The following WRAP73 variants were observed in gnomAD, a reference collection of about 807,000 sequenced individuals.
WRAP73 encodes WD repeat containing, antisense to TP73, also known as WD repeat-containing protein WRAP73.
A neutral mutation model predicts 59.6 loss-of-function variants in WRAP73; 55 were observed. That is an observed-to-expected ratio of 0.92 (90% CI 0.74 to 1.15). The LOEUF is 1.15. Among genes scored for constraint, WRAP73 ranks in the 50% most tolerant of loss-of-function variants. WRAP73 has a pLI of 0.00. For missense variants in WRAP73, 592 were observed against 608.1 expected (o/e 0.97, Z 0.28); for synonymous variants, 265 against 258.2 (o/e 1.03, Z -0.25).
chr1:3,641,060 A>T (rs1305920352), intron 3 of WRAP73, among the ~76,000 whole-genome samples: 4 of 152,274 alleles, frequency 2.6e-5, no homozygotes, highest in Non-Finnish European at 4.4e-5. Context: ...AAAAAAAGGT[A>T]GTTAAATATA....
chr1:3,639,692 C>T lies in WRAP73; in HGVS notation c.340-870G>A, dbSNP rs1644620255. ...GGCCGAGGTGCGGGGACACAAGGTG[C>T]GGGGTGGGGTGCTGACTGCCAGCTC... On this transcript the variant is annotated intron_variant, in intron 3 of 11. Transcript: ENST00000270708. The surrounding 1 kb of genome is among the most constrained non-coding windows in gnomAD (Gnocchi z 4.3). The T allele has an allele frequency of 6.6e-6, 1 of 151,568 alleles. No homozygotes were observed. The highest frequency in any genetic ancestry group is 1.5e-5 in the Non-Finnish European group (1 of 68,022). The allele number at this position is 151,568 out of a possible 1,614,324, so 9.4% of individuals were successfully genotyped here.
Position 3,639,632 on chromosome 1 carries a change from G to T in WRAP73, c.340-810C>A, listed in dbSNP as rs546090151. The T allele has an allele frequency of 6.6e-6, 1 of 152,178 alleles. No homozygotes were observed. The highest frequency in any genetic ancestry group is 2.4e-5 in the African/African-American group (1 of 41,426). 9.4% of individuals were successfully genotyped at this position (152,178 alleles called of 1,614,324 possible). A position where few individuals can be genotyped will look rare whatever the true frequency, so the allele number is the denominator to read the frequency against. On this transcript the variant is annotated intron_variant, in intron 3 of 11. Coordinates refer to ENST00000270708, the MANE Select transcript of WRAP73 (RefSeq NM_017818.4). This position sits in a 1 kb window ranked among gnomAD's most constrained non-coding sequence, Gnocchi z 4.3. ...GAATCATCTTGCTTCCCACATCCCC[G>T]GCCCACTGATGAATCTGGTAGTTAA...
At position 3,646,314 on chromosome 1, in the gene WRAP73, A is replaced by C. The variant is rs1644691035; in HGVS notation, c.339+352T>G. ...TGAAAGTTCTTGACGCAACAAGGAA[A>C]GAAAAAATCCTATGCTGAGGTTGTT... is the stretch of plus-strand genomic sequence containing the variant. On this transcript the variant is annotated intron_variant, in intron 3 of 11. Transcript: ENST00000270708. The surrounding 1 kb of genome is among the most constrained non-coding windows in gnomAD (Gnocchi z 5.1). 6.6e-6 allele frequency among the ~76,000 whole-genome samples: 1 copy of C among 152,254 alleles called. No individual in the cohort carries two copies. Among genetic ancestry groups the C allele is most frequent in the Non-Finnish European group, 1.5e-5 (1 of 68,044 alleles).
At chr1:3,648,042 G>A (rs898100167) in intron 1 of WRAP73, among the ~76,000 whole-genome samples, 4 of 152,202 alleles carry the variant, frequency 2.6e-5, no homozygotes, top group African/African-American at 9.7e-5. Context: ...CTTATGCAGT[G>A]CCGAACTCAG....
chr1:3,635,379 T>G, intron 6 of WRAP73, 85 bp from the exon 7 acceptor site: 1 of 1,568,584 alleles, frequency 6.4e-7, no homozygotes. Flanking sequence ...AGAGTGACAT[T>G]GGTGCAGATA....
At chr1:3,644,965 G>A (rs114491188) in intron 3 of WRAP73, among the ~76,000 whole-genome samples, 1,632 of 152,310 alleles carry the variant, frequency 0.011, 29 homozygotes, top group African/African-American at 0.037. Context: ...ACACGGCTGC[G>A]TGAAAAGCTC....
At position 3,636,014 on chromosome 1, in the gene WRAP73, G is replaced by A. The variant is rs1179697315; in HGVS notation, c.533C>T (p.Thr178Ile). The A allele has an allele frequency of 1.2e-6, 2 of 1,613,864 alleles. No homozygotes were observed. The highest frequency in any genetic ancestry group is 8.5e-7 in the Non-Finnish European group (1 of 1,179,962). Residue 178 changes from threonine to isoleucine, a missense_variant, in exon 6 of 12, where the codon ACC becomes ATC. Thr to Ile is a moderately conservative substitution (Grantham distance 89). Coordinates refer to ENST00000270708, the MANE Select transcript of WRAP73 (RefSeq NM_017818.4). ...CCACTCAATCCCTGTGAGATCCTGG[G>A]TGTCCGTATCAAAATGCTTCCAAAG... ...WQLLRHFDTD[T>I]QDLTGIEWAP...
In WRAP73 at chr1:3,631,065, G is replaced by A. The variant is rs1278681544; in HGVS notation, c.1293C>T (p.Ala431=). Residue 431 remains alanine, a synonymous_variant, in exon 12 of 12, where the codon GCC becomes GCT. Transcript: ENST00000270708. ...GGCAGAAGTGATCCTTGCTGAGGAG[G>A]GCCATCGAGTCTCCGCTTAAATGCC... ...LCWHLSGDSM[A]LLSKDHFCLC... is the part of the protein sequence containing the mutation. 6.2e-7 allele frequency: 1 copy of A among 1,613,280 alleles called. No individual in the cohort carries two copies. The highest frequency in any genetic ancestry group is 1.6e-4 in the Middle Eastern group (1 of 6,062).
Position 3,639,867 on chromosome 1 carries a change from G to A in WRAP73, c.340-1045C>T, listed in dbSNP as rs1038801072. On this transcript the variant is annotated intron_variant, in intron 3 of 11. Coordinates refer to ENST00000270708, the MANE Select transcript of WRAP73 (RefSeq NM_017818.4). This position sits in a 1 kb window ranked among gnomAD's most constrained non-coding sequence, Gnocchi z 4.3. The stretch of plus-strand genomic sequence containing the variant: ...TGTGTCAGGCAGGGGTCCTCGCTGA[G>A]GATGAGGCCCGGGGTGGGGGACCGT... Among the ~76,000 whole-genome samples, 7 of 152,134 alleles carry A rather than the reference G, an allele frequency of 4.6e-5. No homozygotes were observed. In the South Asian group the frequency reaches 8.3e-4, roughly 18 times the overall value.
In WRAP73 at chr1:3,646,902, GC is replaced by G. The variant is rs1644697301; in HGVS notation, c.223-121del. Reference sequence around the variant, plus strand: ...GCACAGGGTGTCTTCAAACTCATCAGCAGTCTATAGCGAGGCCTCGCCGAGA... The same window carrying G: ...GCACAGGGTGTCTTCAAACTCATCAGAGTCTATAGCGAGGCCTCGCCGAGA... On this transcript the variant is annotated intron_variant, in intron 2 of 11. Coordinates refer to ENST00000270708, the MANE Select transcript of WRAP73 (RefSeq NM_017818.4). This position sits in a 1 kb window ranked among gnomAD's most constrained non-coding sequence, Gnocchi z 5.1. The G allele has an allele frequency of 1.3e-6, 1 of 769,026 alleles. No individual in the cohort carries two copies. The highest frequency in any genetic ancestry group is 1.8e-5 in the African/African-American group (1 of 56,720). 47.6% of individuals were successfully genotyped at this position (769,026 alleles called of 1,614,324 possible).
In WRAP73 at chr1:3,638,676, C is replaced by G. The variant is rs143873921; in HGVS notation, c.412+74G>C. On this transcript the variant is annotated intron_variant, in intron 4 of 11. Transcript: ENST00000270708. Reference sequence around the variant, plus strand: ...TATGCTGCTGAAGCTACTTCTGCCTCTTTGAAACTTCCCGTGACAAAAAAG... The same window carrying G: ...TATGCTGCTGAAGCTACTTCTGCCTGTTTGAAACTTCCCGTGACAAAAAAG... The G allele has an allele frequency of 1.7e-3, 2,649 of 1,566,292 alleles. 2 individuals are homozygous for G. Among genetic ancestry groups the G allele is most frequent in the Non-Finnish European group, 2.2e-3 (2,524 of 1,137,298 alleles).
At chr1:3,642,151 G>T (rs968088871) in intron 3 of WRAP73, among the ~76,000 whole-genome samples, 1 of 152,224 alleles carries the variant, frequency 6.6e-6, no homozygotes, top group Non-Finnish European at 1.5e-5. Context: ...TATACAGGAG[G>T]CTGGGAAGGA....
chr1:3,650,049 C>T lies in WRAP73; in HGVS notation c.-50G>A, dbSNP rs772698789. The T allele has an allele frequency of 3.3e-6, 5 of 1,518,832 alleles. No homozygotes were observed. Among genetic ancestry groups the T allele is most frequent in the Non-Finnish European group, 4.4e-6 (5 of 1,131,470 alleles). 94.1% of individuals were successfully genotyped at this position (1,518,832 alleles called of 1,614,324 possible). A position where few individuals can be genotyped will look rare whatever the true frequency, so the allele number is the denominator to read the frequency against. The stretch of plus-strand genomic sequence containing the variant: ...CCCTGCGCCCGAAAACCCGCGGGAC[C>T]CCTGGGCGCGCAGCAGGCTGCAACA... On this transcript the variant is annotated 5_prime_UTR_variant, in exon 1 of 12. Coordinates refer to ENST00000270708, the MANE Select transcript of WRAP73 (RefSeq NM_017818.4).
Position 3,642,018 on chromosome 1 carries a change from G to T in WRAP73, c.340-3196C>A, listed in dbSNP as rs573927780. ...GTGCCACCGCGGAATCATGGGAACC[G>T]CTTCACTAGGAAATCTGTTTACAAA... On this transcript the variant is annotated intron_variant, in intron 3 of 11. Transcript: ENST00000270708. Among the ~76,000 whole-genome samples, 4 of 152,216 alleles carry T rather than the reference G, an allele frequency of 2.6e-5. 1 individual carries two copies.
chr1:3,644,939 GC>G (rs1644675474), intron 3 of WRAP73, among the ~76,000 whole-genome samples: 1 of 152,130 alleles, frequency 6.6e-6, no homozygotes, highest in East Asian at 1.9e-4. Context: ...AGCATTACAG[GC>G]CTGAAGACTG....
At position 3,633,465 on chromosome 1, in the gene WRAP73, TC is replaced by T. The variant is rs748093879; in HGVS notation, c.854del (p.Gly285AspfsTer36). The T allele has an allele frequency of 1.2e-6, 2 of 1,610,922 alleles. No homozygotes were observed. Among genetic ancestry groups the T allele is most frequent in the South Asian group, 1.1e-5 (1 of 90,832 alleles). ...GCGGCGGGAAGGAGAGGCAGCCCAG[TC>T]CCAGCTGTGGGCTCTTCTCGGCCTC... ...YKEAEKSPQL[G>X]LGCLSFPPPR... On this transcript the variant is annotated frameshift_variant, in exon 9 of 12. Transcript: ENST00000270708. LOFTEE classifies it high-confidence loss of function.
intron 3 of WRAP73, among the ~76,000 whole-genome samples, chr1:3,640,916 C>T (rs1644637730): frequency 6.6e-6 from 1 of 152,234 alleles, no homozygotes. Context: ...GTGCGCCTGG[C>T]CGAGGCTCCC....
intron 4 of WRAP73, among the ~76,000 whole-genome samples, chr1:3,637,604 G>A (rs1382758870): frequency 6.6e-6 from 1 of 152,224 alleles, no homozygotes; most frequent in East Asian, 1.9e-4. Context: ...CACTTTGGGA[G>A]GCTGAAGCAG....
Position 3,647,477 on chromosome 1 carries a change from G to A in WRAP73, c.153C>T (p.Ile51=). The A allele has an allele frequency of 6.2e-7, 1 of 1,613,974 alleles. No homozygotes were observed. Among genetic ancestry groups the A allele is most frequent in the East Asian group, 2.2e-5 (1 of 44,882 alleles). The part of the protein sequence containing the change: ...ILQLYTCLDQ[I]QHIEWSADSL... ...AGTCTGCCGACCACTCGATGTGCTG[G>A]ATCTGGTCTAGGCACGTGTACAGCT... is the stretch of plus-strand genomic sequence containing the variant. Residue 51 remains isoleucine, a synonymous_variant, in exon 2 of 12, where the codon ATC becomes ATT. Coordinates refer to ENST00000270708, the MANE Select transcript of WRAP73 (RefSeq NM_017818.4).
Sources: gnomAD v4.1 joint callset for allele counts (sites outside exome capture counted in the v4.1 genomes callset) on GRCh38, gnomAD v4.1.1 for gene constraint, Gnocchi (gnomAD v3.1) non-coding constraint, MANE v1.5 for transcripts, NCBI Gene and HGNC (gene_info 2026-07-23, HGNC 2026-07-21) for gene names.